The following MSRB3 variants were observed in gnomAD, a reference collection of about 807,000 sequenced individuals.
MSRB3 encodes methionine sulfoxide reductase B3, also known as methionine-R-sulfoxide reductase B3.
A neutral mutation model predicts 21.0 loss-of-function variants in MSRB3; 13 were observed. The ratio of observed to expected loss-of-function variants is 0.62; its 90% CI spans 0.40 to 0.98. The LOEUF is 0.98. MSRB3 is among the 50% of genes least tolerant of loss of function. The probability of loss-of-function intolerance (pLI) is 0.00; values close to 1 mark genes in which losing one functional copy is unlikely to be tolerated. For synonymous variants in MSRB3, 87 were observed against 88.6 expected, an observed-to-expected ratio of 0.98 and a Z score of 0.10; for missense variants, 199 against 230.3, an observed-to-expected ratio of 0.86 and a Z score of 0.88.
chr12:65,391,059 A>G (rs958036301), intron 5 of MSRB3, among the ~76,000 whole-genome samples: 60 of 152,166 alleles, frequency 3.9e-4, no homozygotes, highest in African/African-American at 1.4e-3. Flanking sequence ...ATTGATGTTC[A>G]TGATGAAAAG....
At chr12:65,334,985 T>A (rs563079375) in intron 4 of MSRB3, among the ~76,000 whole-genome samples, 76 of 152,276 alleles carry the variant, frequency 5.0e-4, no homozygotes, top group African/African-American at 1.6e-3. Flanking sequence ...ATTGTAAATG[T>A]CTATCTTACT....
At chr12:65,338,567 A>G (rs1193567366) in intron 4 of MSRB3, among the ~76,000 whole-genome samples, 2 of 152,236 alleles carry the variant, frequency 1.3e-5, no homozygotes, top group African/African-American at 4.8e-5. Context: ...GCAAAAAGTC[A>G]CAAAAAATAG....
chr12:65,380,769 A>T (rs1048662695), intron 5 of MSRB3, among the ~76,000 whole-genome samples: 20 of 152,342 alleles, frequency 1.3e-4, no homozygotes, highest in African/African-American at 4.3e-4. Context: ...ACCAAAGCAC[A>T]GGAAGTTTAG....
chr12:65,421,101 T>G (rs1042637979), intron 5 of MSRB3, among the ~76,000 whole-genome samples: 1 of 152,182 alleles, frequency 6.6e-6, no homozygotes, highest in African/African-American at 2.4e-5. Flanking sequence ...TAAGCATTCC[T>G]TTTTTTCTGC....
At chr12:65,287,152 G>A (rs1321979820) in intron 1 of MSRB3, among the ~76,000 whole-genome samples, 2 of 116,848 alleles carry the variant, frequency 1.7e-5, no homozygotes, top group Admixed American at 1.0e-4. Flanking sequence ...TTTTTTGGCT[G>A]CCGCCCAGGC....
intron 5 of MSRB3, among the ~76,000 whole-genome samples, chr12:65,374,771 C>T (rs1878506293): frequency 6.6e-6 from 1 of 152,064 alleles, no homozygotes; most frequent in African/African-American, 2.4e-5. Flanking sequence ...CCGTTCTATT[C>T]TTTGTTTTTG....
intron 5 of MSRB3, among the ~76,000 whole-genome samples, chr12:65,441,860 A>G (rs1296064889): frequency 1.3e-5 from 2 of 152,036 alleles, no homozygotes; most frequent in Non-Finnish European, 2.9e-5. Flanking sequence ...AGTATTTGCT[A>G]AATTGCTTCA....
rs1883559285 is a variant in MSRB3, at chr12:65,466,088, A to G, written c.*2766A>G. 6.6e-6 allele frequency: 1 copy of G among 151,990 alleles called. No homozygotes were observed. Among genetic ancestry groups the G allele is most frequent in the South Asian group, 2.1e-4 (1 of 4,830 alleles). 9.4% of individuals were successfully genotyped at this position (151,990 alleles called of 1,614,324 possible). ...GGATTGTCATTGTTCCTTCATTTAT[A>G]TCGTAGGGCTTAACATTTCACTCAA... On this transcript the variant is annotated 3_prime_UTR_variant, in exon 7 of 7. Coordinates refer to ENST00000308259, the MANE Select transcript of MSRB3 (RefSeq NM_001031679.3).
chr12:65,356,154 A>G (rs1043328574), intron 4 of MSRB3, among the ~76,000 whole-genome samples: 1 of 151,876 alleles, frequency 6.6e-6, no homozygotes, highest in Non-Finnish European at 1.5e-5. Context: ...ACCACAGAAA[A>G]TTTATCTTTT....
At chr12:65,279,843 G>A (rs1457411427) in intron 1 of MSRB3, among the ~76,000 whole-genome samples, 1 of 152,194 alleles carries the variant, frequency 6.6e-6, no homozygotes, top group Non-Finnish European at 1.5e-5. Context: ...ATGAGTAGTC[G>A]TCAAAGCTTC....
intron 2 of MSRB3, among the ~76,000 whole-genome samples, chr12:65,321,716 G>C (rs965862260): frequency 1.3e-5 from 2 of 152,028 alleles, no homozygotes; most frequent in Non-Finnish European, 2.9e-5. Context: ...GTCTAAATTT[G>C]ACTTTTCCAA....
chr12:65,335,732 A>G (rs976200614), intron 4 of MSRB3, among the ~76,000 whole-genome samples: 7 of 152,154 alleles, frequency 4.6e-5, no homozygotes, highest in Admixed American at 6.6e-5. Context: ...ACGATATTTA[A>G]CAACCATTTC....
chr12:65,367,453 T>C (rs1330072274), intron 4 of MSRB3, among the ~76,000 whole-genome samples: 3 of 152,356 alleles, frequency 2.0e-5, no homozygotes, highest in Middle Eastern at 3.4e-3. Flanking sequence ...CTGGCTTCTA[T>C]ACAGTTAAGA....
chr12:65,428,576 T>G (rs1881722119), intron 5 of MSRB3, among the ~76,000 whole-genome samples: 1 of 152,018 alleles, frequency 6.6e-6, no homozygotes, highest in African/African-American at 2.4e-5. Context: ...ATTAAGTGAG[T>G]TTTTAAAATA....
At chr12:65,424,953 C>A (rs1377723731) in intron 5 of MSRB3, among the ~76,000 whole-genome samples, 2 of 1,454 alleles carry the variant, frequency 1.4e-3, no homozygotes, top group South Asian at 0.056. Flanking sequence ...TCTCTCCCTT[C>A]ATTTGTATCA....
intron 5 of MSRB3, among the ~76,000 whole-genome samples, chr12:65,420,226 T>C (rs991403537): frequency 6.6e-6 from 1 of 152,174 alleles, no homozygotes; most frequent in African/African-American, 2.4e-5. Flanking sequence ...ACTTGGACTT[T>C]CTATTTTATT....
intron 5 of MSRB3, among the ~76,000 whole-genome samples, chr12:65,393,276 TATGAGA>T (rs1229343569): frequency 6.6e-6 from 1 of 152,206 alleles, no homozygotes; most frequent in Admixed American, 6.5e-5. Flanking sequence ...TTTTATCCAT[TATGAGA>T]ATATTTATTT....
intron 5 of MSRB3, among the ~76,000 whole-genome samples, chr12:65,393,123 T>C: frequency 6.6e-6 from 1 of 151,964 alleles, no homozygotes; most frequent in Non-Finnish European, 1.5e-5. Flanking sequence ...TGGAATTCAT[T>C]TTTTTTTCTT....
At chr12:65,442,987 T>C (rs1035007498) in intron 5 of MSRB3, among the ~76,000 whole-genome samples, 1 of 152,128 alleles carries the variant, frequency 6.6e-6, no homozygotes, top group African/African-American at 2.4e-5. Context: ...AGTAATTTTA[T>C]TGAACCTGAA....
Sources: allele counts gnomAD v4.1 joint callset (sites outside exome capture counted in the v4.1 genomes callset), GRCh38; gene constraint gnomAD v4.1.1; transcripts MANE v1.5; gene names NCBI Gene and HGNC (gene_info 2026-07-23, HGNC 2026-07-21).